PCDH15: variants seen among roughly 807,000 people sequenced by gnomAD.
The protein encoded by PCDH15 is protocadherin related 15, also known as protocadherin-15.
Under a neutral mutation model 178.5 loss-of-function variants are expected in PCDH15, and 129 were observed. That is an observed-to-expected ratio of 0.72 (90% confidence interval 0.63 to 0.84). The LOEUF (loss-of-function observed/expected upper bound fraction) is 0.84. PCDH15 is among the 40% of genes least tolerant of loss of function. PCDH15 has a pLI of 0.00. For missense variants in PCDH15, 2,230 were observed against 2,099.9 expected, an observed-to-expected ratio of 1.06 and a Z score of -1.21; for synonymous variants, 800 against 732.0, an observed-to-expected ratio of 1.09 and a Z score of -1.50.
chr10:54,663,731 C>T (rs972429598), intron 2 of PCDH15, among the ~76,000 whole-genome samples: 3 of 151,032 alleles, frequency 2.0e-5, no homozygotes, highest in African/African-American at 7.3e-5. Flanking sequence ...AACGCAATGC[C>T]CAGTTAAAGT....
chr10:54,518,640 G>A (rs1479415274), intron 3 of PCDH15, among the ~76,000 whole-genome samples: 2 of 152,164 alleles, frequency 1.3e-5, no homozygotes, highest in Non-Finnish European at 2.9e-5. Flanking sequence ...GTACAAGGAG[G>A]AGCTGGTACC....
intron 2 of PCDH15, among the ~76,000 whole-genome samples, chr10:55,331,338 TTATA>T (rs1429353983): frequency 1.3e-5 from 2 of 152,048 alleles, no homozygotes; most frequent in African/African-American, 4.8e-5. Context: ...ACAATAATCT[TTATA>T]TATACTTTGG....
chr10:55,396,713 C>A (rs1307284773), intron 2 of PCDH15, among the ~76,000 whole-genome samples: 1 of 152,184 alleles, frequency 6.6e-6, no homozygotes, highest in African/African-American at 2.4e-5. Context: ...ACATGGTCAG[C>A]TTTGCACCCA....
chr10:54,368,731 G>A (rs571617048), intron 5 of PCDH15, among the ~76,000 whole-genome samples: 1 of 151,960 alleles, frequency 6.6e-6, no homozygotes, highest in South Asian at 2.1e-4. Context: ...TAGAACCGCA[G>A]ACATTTTCTT....
intron 3 of PCDH15, among the ~76,000 whole-genome samples, chr10:54,393,716 C>G (rs184535552): frequency 2.4e-3 from 361 of 152,246 alleles, no homozygotes; most frequent in Non-Finnish European, 4.2e-3. Context: ...CTGATCCAAA[C>G]AAGTGCCCAA....
At chr10:55,280,953 A>T (rs1257608860) in intron 1 of PCDH15, among the ~76,000 whole-genome samples, 1 of 152,190 alleles carries the variant, frequency 6.6e-6, no homozygotes, top group East Asian at 1.9e-4. Context: ...GAAGTGCATA[A>T]TGGATTTTTA....
chr10:55,107,458 A>AAAATAC (rs888494779), intron 2 of PCDH15, among the ~76,000 whole-genome samples: 10 of 151,706 alleles, frequency 6.6e-5, no homozygotes, highest in African/African-American at 2.4e-4. Context: ...AGAAATAGAT[A>AAAATAC]AAATACAATT....
At chr10:54,295,942 A>C (rs1029648619) in intron 8 of PCDH15, among the ~76,000 whole-genome samples, 28 of 151,666 alleles carry the variant, frequency 1.8e-4, no homozygotes, top group African/African-American at 5.8e-4. Context: ...CAGGAGATCG[A>C]GACCATCCCG....
At chr10:55,526,425 A>G (rs985872300) in intron 2 of PCDH15, among the ~76,000 whole-genome samples, 2 of 151,920 alleles carry the variant, frequency 1.3e-5, no homozygotes, top group African/African-American at 4.8e-5. Context: ...TTTATTTTTT[A>G]TTTGTCATTT....
chr10:55,579,426 T>C (rs767815434), intron 2 of PCDH15, among the ~76,000 whole-genome samples: 6 of 152,200 alleles, frequency 3.9e-5, no homozygotes, highest in Non-Finnish European at 8.8e-5. Flanking sequence ...TTGGATCACC[T>C]ACTTGTACAA....
At chr10:54,520,507 C>T (rs1410561122) in intron 3 of PCDH15, among the ~76,000 whole-genome samples, 2 of 152,234 alleles carry the variant, frequency 1.3e-5, no homozygotes, top group African/African-American at 4.8e-5. Context: ...ATCAAAACCA[C>T]AATGAGATAC....
At chr10:55,158,894 G>C (rs1294547365) in intron 2 of PCDH15, among the ~76,000 whole-genome samples, 1 of 151,192 alleles carries the variant, frequency 6.6e-6, no homozygotes, top group African/African-American at 2.4e-5. Context: ...AAGAGAGAGA[G>C]AGAGAAAAAA....
At chr10:54,690,998 T>G (rs894305016) in intron 1 of PCDH15, among the ~76,000 whole-genome samples, 1 of 152,106 alleles carries the variant, frequency 6.6e-6, no homozygotes, top group East Asian at 1.9e-4. Context: ...ACTTCTTATA[T>G]GGTATGGTGT....
chr10:54,192,051 A>G lies in PCDH15; in HGVS notation c.1305+3632T>C. Among the ~76,000 whole-genome samples the G allele has an allele frequency of 1.3e-5, 2 of 150,350 alleles. 1 individual carries two copies. Among genetic ancestry groups the G allele is most frequent in the Admixed American group, 1.3e-4 (2 of 15,042 alleles). ...ATGAACGGAGAGAAGGAAGGAAGGC[A>G]GGAAGGCAGGCAGGCAGAAGGAAAG... On this transcript the variant is annotated intron_variant, in intron 11 of 37. Transcript: ENST00000644397.
At chr10:55,557,867 C>T (rs1347231182) in intron 2 of PCDH15, among the ~76,000 whole-genome samples, 1 of 152,062 alleles carries the variant, frequency 6.6e-6, no homozygotes, top group Non-Finnish European at 1.5e-5. Context: ...TGGAGGTTTA[C>T]TTAGTGGTCT....
intron 2 of PCDH15, among the ~76,000 whole-genome samples, chr10:54,537,193 G>T (rs1364103313): frequency 1.3e-5 from 2 of 151,786 alleles, no homozygotes; most frequent in African/African-American, 4.8e-5. Context: ...TAGAGACGGG[G>T]TTTCACCGTG....
chr10:54,555,339 A>G (rs1469156730), intron 2 of PCDH15, among the ~76,000 whole-genome samples: 11 of 152,258 alleles, frequency 7.2e-5, no homozygotes, highest in Middle Eastern at 6.8e-3. Context: ...CTCATTTGAG[A>G]CAGCACTTCC....
intron 2 of PCDH15, among the ~76,000 whole-genome samples, chr10:55,566,018 T>G (rs2132104248): frequency 6.6e-6 from 1 of 151,750 alleles, no homozygotes; most frequent in East Asian, 1.9e-4. Flanking sequence ...CATAGACGTA[T>G]CCTTTATAAA....
At chr10:53,961,980 G>A (rs1387454831) in intron 21 of PCDH15, 88 bp from the exon 22 acceptor site, 7 of 1,098,606 alleles carry the variant, frequency 6.4e-6, no homozygotes, top group African/African-American at 1.6e-5. Flanking sequence ...TAAAATTCAT[G>A]GTCTTTTAGA....
Sources: allele counts gnomAD v4.1 joint callset (sites outside exome capture counted in the v4.1 genomes callset), GRCh38; gene constraint gnomAD v4.1.1; transcripts MANE v1.5; gene names NCBI Gene and HGNC (gene_info 2026-07-23, HGNC 2026-07-21).